SLF1: variants seen among roughly 807,000 people sequenced by gnomAD.
SLF1 encodes SMC5-SMC6 complex localization factor protein 1.
A neutral mutation model predicts 123.0 loss-of-function variants in SLF1; 105 were observed. The ratio of observed to expected loss-of-function variants is 0.85; its 90% CI spans 0.73 to 1.00. The LOEUF (loss-of-function observed/expected upper bound fraction) is 1.00. Among genes scored for constraint, SLF1 ranks in the 50% least tolerant of loss-of-function variants. SLF1 has a pLI of 0.00. For missense variants in SLF1, 1,239 were observed against 1,223.0 expected, an observed-to-expected ratio of 1.01 and a Z score of -0.20; for synonymous variants, 434 against 406.6, an observed-to-expected ratio of 1.07 and a Z score of -0.81.
At chr5:94,657,074 C>G (rs546440143) in intron 9 of SLF1, among the ~76,000 whole-genome samples, 1 of 149,090 alleles carries the variant, frequency 6.7e-6, no homozygotes, top group Admixed American at 6.7e-5. Context: ...TTTATTATTT[C>G]CTTCTACTAA....
In SLF1 at chr5:94,663,798, C is replaced by T. The variant is rs1239065876; in HGVS notation, c.1258C>T (p.Leu420Phe). The T allele has an allele frequency of 6.5e-7, 1 of 1,550,028 alleles. No individual in the cohort carries two copies. The highest frequency in any genetic ancestry group is 1.4e-5 in the African/African-American group (1 of 73,088). Residue 420 changes from leucine to phenylalanine, a missense_variant, in exon 11 of 21, where the codon CTC becomes TTC. Transcript: ENST00000265140. ...AGGTGTATTAAATTTAATTGAAAGCCTCATAGAAGGACATTTTTTTAAAGA... is the reference window on the plus strand; with the variant it reads ...AGGTGTATTAAATTTAATTGAAAGCTTCATAGAAGGACATTTTTTTAAAGA... ...PRGVLNLIES[L>F]IEGHFFKEAI...
Position 94,671,017 on chromosome 5 carries a change from G to T in SLF1, c.1827+9G>T. The T allele has an allele frequency of 6.7e-7, 1 of 1,497,152 alleles. No homozygotes were observed. Among genetic ancestry groups the T allele is most frequent in the Non-Finnish European group, 9.1e-7 (1 of 1,103,662 alleles). 92.7% of individuals were successfully genotyped at this position (1,497,152 alleles called of 1,614,324 possible). Reference sequence around the variant, plus strand: ...AATTCAAGTCTAATGATGTAAGTAGGATTAATTTATAGATGAATAGTCTAT... The same window carrying T: ...AATTCAAGTCTAATGATGTAAGTAGTATTAATTTATAGATGAATAGTCTAT... On this transcript the variant is annotated intron_variant, in intron 14 of 20. Transcript: ENST00000265140.
chr5:94,659,545 A>G (rs1748822944), intron 9 of SLF1, among the ~76,000 whole-genome samples: 1 of 152,212 alleles, frequency 6.6e-6, no homozygotes, highest in Non-Finnish European at 1.5e-5. Flanking sequence ...TAGTTTTGCC[A>G]GATGTGAGCA....
At chr5:94,657,443 G>C (rs1748536902) in intron 9 of SLF1, among the ~76,000 whole-genome samples, 1 of 152,006 alleles carries the variant, frequency 6.6e-6, no homozygotes, top group African/African-American at 2.4e-5. Flanking sequence ...AATGTGTTGA[G>C]ATTTGTTGTG....
chr5:94,655,016 C>CA (rs1748208642), intron 9 of SLF1, among the ~76,000 whole-genome samples: 1 of 152,150 alleles, frequency 6.6e-6, no homozygotes, highest in South Asian at 2.1e-4. Flanking sequence ...TTGCCTACAT[C>CA]AATGCCCCGA....
intron 4 of SLF1, among the ~76,000 whole-genome samples, chr5:94,635,704 C>T (rs576160228): frequency 6.6e-6 from 1 of 152,012 alleles, no homozygotes; most frequent in Admixed American, 6.5e-5. Flanking sequence ...CACATTTACT[C>T]TCCCCCATTT....
chr5:94,689,627 A>C (rs369366967), intron 18 of SLF1, 21 bp downstream of exon 18: 164 of 1,588,994 alleles, frequency 1.0e-4, no homozygotes, highest in Non-Finnish European at 1.4e-4. Flanking sequence ...TATTTAAATT[A>C]ATTTATGCTA....
chr5:94,623,490 T>C (rs973131590), intron 1 of SLF1, among the ~76,000 whole-genome samples: 9 of 152,090 alleles, frequency 5.9e-5, no homozygotes, highest in Admixed American at 2.0e-4. Context: ...GCTTTTTTTT[T>C]CCCTCCTTTT....
intron 4 of SLF1, among the ~76,000 whole-genome samples, chr5:94,641,903 G>GA (rs1746493213): frequency 6.6e-6 from 1 of 152,196 alleles, no homozygotes; most frequent in Admixed American, 6.5e-5. Flanking sequence ...CCCAGTATTA[G>GA]ATCTCTCTTG....
Position 94,649,590 on chromosome 5 carries a change from G to C in SLF1, c.731G>C (p.Arg244Thr). 6.7e-7 allele frequency: 1 copy of C among 1,484,360 alleles called. No individual in the cohort carries two copies. The highest frequency in any genetic ancestry group is 1.4e-5 in the South Asian group (1 of 73,696). The allele number at this position is 1,484,360 out of a possible 1,614,324, so 91.9% of individuals were successfully genotyped here. A position where few individuals can be genotyped will look rare whatever the true frequency, so the allele number is the denominator to read the frequency against. Reference protein sequence around the residue: ...MKGALRETMYRTQKEMQNHED... With the variant: ...MKGALRETMYTTQKEMQNHED... ...GGTGCCTTAAGAGAGACCATGTATA[G>C]AACCCAGGTAAACTTTATAGGCTGA... is the stretch of plus-strand genomic sequence containing the variant. The change falls in exon 6 of 21, where the codon AGA (arginine) becomes ACA (threonine). Residue 244 changes from arginine to threonine, a missense_variant. Transcript: ENST00000265140.
intron 11 of SLF1, among the ~76,000 whole-genome samples, chr5:94,664,607 G>A (rs770493335): frequency 1.5e-4 from 23 of 152,178 alleles, no homozygotes; most frequent in Middle Eastern, 3.2e-3. Context: ...TAACATAACA[G>A]GCATAAGCTT....
chr5:94,656,772 C>A (rs1352907381), intron 9 of SLF1, among the ~76,000 whole-genome samples: 1 of 151,588 alleles, frequency 6.6e-6, no homozygotes, highest in Non-Finnish European at 1.5e-5. Context: ...GTGTATAGTT[C>A]ATAATAGTCT....
Position 94,654,664 on chromosome 5 carries a change from C to A in SLF1, c.1067C>A (p.Ala356Asp), listed in dbSNP as rs929817409. ...AAGAATTCTATTTTTGCTGAATATGCCAAAGAATCAAAAGCCATGGCTATT... is the reference window on the plus strand; with the variant it reads ...AAGAATTCTATTTTTGCTGAATATGACAAAGAATCAAAAGCCATGGCTATT... Reference protein sequence around the residue: ...EMKNSIFAEYAKESKAMAIKT... With the variant: ...EMKNSIFAEYDKESKAMAIKT... The change falls in exon 9 of 21, where the codon GCC (alanine) becomes GAC (aspartate). Residue 356 changes from alanine to aspartate, a missense_variant. Physicochemically the swap from Ala to Asp is moderately radical, Grantham distance 126. Transcript: ENST00000265140. 6 of 1,540,500 alleles carry A rather than the reference C, an allele frequency of 3.9e-6. No individual in the cohort carries two copies. The African/African-American group carries it at 5.5e-5, about 14-fold the overall frequency.
chr5:94,637,551 G>A (rs889190697), intron 4 of SLF1, among the ~76,000 whole-genome samples: 1 of 152,080 alleles, frequency 6.6e-6, no homozygotes, highest in Non-Finnish European at 1.5e-5. Flanking sequence ...TAGAATTGCT[G>A]CTTAAGATGG....
At chr5:94,621,986 T>G (rs1791838560) in intron 1 of SLF1, among the ~76,000 whole-genome samples, 1 of 151,976 alleles carries the variant, frequency 6.6e-6, no homozygotes, top group Admixed American at 6.6e-5. Context: ...AAAAAAAGTC[T>G]GAAGGCCAGC....
Position 94,663,911 on chromosome 5 carries a change from A to C in SLF1, c.1368+3A>C, listed in dbSNP as rs1466297950. 6.6e-7 allele frequency: 1 copy of C among 1,513,206 alleles called. No individual in the cohort carries two copies. Among genetic ancestry groups the C allele is most frequent in the Admixed American group, 2.4e-5 (1 of 40,880 alleles). The allele number at this position is 1,513,206 out of a possible 1,614,324, so 93.7% of individuals were successfully genotyped here. ...CCCTTCTAGAGAACGTTCTACAGGT[A>C]AGAGCAGCCTTAAGGATTTATAATC... On this transcript the variant is annotated splice_donor_region_variant and intron_variant, in intron 11 of 20. Transcript: ENST00000265140.
At chr5:94,682,918 C>T (rs1259257369) in intron 15 of SLF1, among the ~76,000 whole-genome samples, 1 of 152,214 alleles carries the variant, frequency 6.6e-6, no homozygotes, top group Non-Finnish European at 1.5e-5. Context: ...TGCCACTCAA[C>T]TTTGCAGTTG....
chr5:94,640,718 T>G (rs1204706255), intron 4 of SLF1, among the ~76,000 whole-genome samples: 1 of 152,208 alleles, frequency 6.6e-6, no homozygotes, highest in Non-Finnish European at 1.5e-5. Context: ...AATCTTAAAA[T>G]TCAGTGATTC....
chr5:94,694,779 C>T, intron 20 of SLF1, 52 bp from the exon 21 acceptor site: 2 of 1,510,674 alleles, frequency 1.3e-6, no homozygotes, highest in Admixed American at 2.3e-5. Context: ...AGCTGTTAAG[C>T]TGCCAAAATA....
Sources: gnomAD v4.1 joint callset for allele counts (sites outside exome capture counted in the v4.1 genomes callset) on GRCh38, gnomAD v4.1.1 for gene constraint, MANE v1.5 for transcripts, NCBI Gene and HGNC (gene_info 2026-07-23, HGNC 2026-07-21) for gene names.